Variants in TRMT44 observed in about 807,000 individuals in gnomAD.
TRMT44 encodes tRNA methyltransferase 44 homolog.
TRMT44 carries 78 observed loss-of-function variants against 77.3 expected under a neutral mutation model. The observed-to-expected ratio is 1.01, with a 90% CI of 0.84 to 1.22. TRMT44 has a LOEUF of 1.22. Among genes scored for constraint, TRMT44 ranks in the 50% most tolerant of loss-of-function variants. The pLI is 0.00. For synonymous variants in TRMT44, 391 were observed against 383.3 expected, an observed-to-expected ratio of 1.02 and a Z score of -0.23; for missense variants, 1,090 against 964.4, an observed-to-expected ratio of 1.13 and a Z score of -1.73.
chr4:8,481,640 TATATC>T (rs544309497), intron 2 of TRMT44, among the ~76,000 whole-genome samples: 29 of 152,242 alleles, frequency 1.9e-4, no homozygotes, highest in Non-Finnish European at 4.0e-4. Flanking sequence ...TTCTTTATAT[TATATC>T]AGCTTTTCTC....
chr4:8,472,342 G>C (rs1456481897), intron 10 of TRMT44, among the ~76,000 whole-genome samples: 1 of 152,206 alleles, frequency 6.6e-6, no homozygotes, highest in African/African-American at 2.4e-5. Flanking sequence ...GAGCTGGTCG[G>C]GTTACAGCCG....
At chr4:8,514,532 C>T in the TRMT44 span, among the ~76,000 whole-genome samples, 7 of 152,126 alleles carry the variant, frequency 4.6e-5, no homozygotes, top group Admixed American at 1.3e-4. Context: ...CCGCCTCAGC[C>T]TCCCTATGTG....
the TRMT44 span, among the ~76,000 whole-genome samples, chr4:8,515,616 C>T: frequency 6.6e-5 from 10 of 152,266 alleles, no homozygotes; most frequent in African/African-American, 1.9e-4. Flanking sequence ...GGGGATATGA[C>T]CCCTGGGATG....
the TRMT44 span, among the ~76,000 whole-genome samples, chr4:8,503,097 C>G: frequency 6.6e-6 from 1 of 152,226 alleles, no homozygotes; most frequent in African/African-American, 2.4e-5. Flanking sequence ...GGCTGCTTTC[C>G]CACTGGGTCT....
chr4:8,454,797 C>T lies in TRMT44; in HGVS notation c.1187C>T (p.Pro396Leu), dbSNP rs1340749003. Residue 396 changes from proline to leucine, a missense_variant, in exon 6 of 11, where the codon CCA becomes CTA. Transcript: ENST00000389737. ...AGAAAAATCTGGGACATGTATGGACCACAAACTCAGTTAGAGGTACCGTCT... is the reference window on the plus strand; with the variant it reads ...AGAAAAATCTGGGACATGTATGGACTACAAACTCAGTTAGAGGTACCGTCT... ...RRRKIWDMYG[P>L]QTQLEEDAIT... 6.2e-7 allele frequency: 1 copy of T among 1,614,030 alleles called. No individual in the cohort carries two copies. Among genetic ancestry groups the T allele is most frequent in the African/African-American group, 1.3e-5 (1 of 74,894 alleles).
At chr4:8,450,984 C>T (rs1725413225) in intron 3 of TRMT44, among the ~76,000 whole-genome samples, 1 of 148,952 alleles carries the variant, frequency 6.7e-6, no homozygotes, top group South Asian at 2.2e-4. Context: ...CAAAGTTTTG[C>T]CATGTTTCCC....
chr4:8,449,943 TC>T (rs369885914), intron 3 of TRMT44, 55 bp downstream of exon 3: 7 of 700,310 alleles, frequency 1.0e-5, no homozygotes, highest in South Asian at 5.7e-5. Flanking sequence ...TCTTTTCTTT[TC>T]TTTTCTTTTT....
chr4:8,497,240 A>G (rs1435131080), downstream of TRMT44, among the ~76,000 whole-genome samples: 2 of 152,134 alleles, frequency 1.3e-5, no homozygotes, highest in Non-Finnish European at 2.9e-5. Context: ...ATGTTTTACA[A>G]ATGTCTCTAT....
chr4:8,511,483 G>A, the TRMT44 span, among the ~76,000 whole-genome samples: 32 of 152,284 alleles, frequency 2.1e-4, no homozygotes, highest in African/African-American at 7.5e-4. Context: ...GATCTGAGAT[G>A]GGGAGGTTAT....
At chr4:8,467,421 C>T (rs756459299) in intron 8 of TRMT44, among the ~76,000 whole-genome samples, 1 of 152,108 alleles carries the variant, frequency 6.6e-6, no homozygotes, top group Non-Finnish European at 1.5e-5. Flanking sequence ...TGGGCTCTTA[C>T]TGTTTTTTTA....
At chr4:8,470,920 T>G in intron 9 of TRMT44, 164 bp from the exon 10 acceptor site, 1 of 552,858 alleles carries the variant, frequency 1.8e-6, no homozygotes. Flanking sequence ...CCCTCACGGT[T>G]TGGTGCGGTG....
chr4:8,463,021 GAGAC>G (rs1440185563), intron 6 of TRMT44, among the ~76,000 whole-genome samples: 9 of 152,232 alleles, frequency 5.9e-5, no homozygotes, highest in African/African-American at 1.4e-4. Flanking sequence ...GAACCAGAGA[GAGAC>G]AGAATTTCAG....
intron 10 of TRMT44, 41 bp from the exon 11 acceptor site, chr4:8,475,731 A>G (rs1299122194): frequency 2.5e-6 from 4 of 1,594,330 alleles, no homozygotes; most frequent in South Asian, 2.2e-5. Flanking sequence ...AGGAACTTTC[A>G]GGTTTACTTC....
At chr4:8,515,051 C>A in the TRMT44 span, among the ~76,000 whole-genome samples, 1 of 152,200 alleles carries the variant, frequency 6.6e-6, no homozygotes. Context: ...CTGTAACCTC[C>A]ACCTCCTGGG....
chr4:8,464,654 C>T (rs16842315), intron 7 of TRMT44, among the ~76,000 whole-genome samples: 3,926 of 152,300 alleles, frequency 0.026, 94 homozygotes, highest in African/African-American at 0.065. Flanking sequence ...ATCAGGTCTT[C>T]GCTCAGGCTT....
At chr4:8,480,640 C>T (rs764958301), downstream of TRMT44, among the ~76,000 whole-genome samples, 2 of 152,128 alleles carry the variant, frequency 1.3e-5, no homozygotes, top group Non-Finnish European at 2.9e-5. Context: ...TGGGAAATTG[C>T]CTCTCCCTGG....
chr4:8,472,647 C>T (rs1160955177), intron 10 of TRMT44, among the ~76,000 whole-genome samples: 4 of 152,190 alleles, frequency 2.6e-5, no homozygotes, highest in African/African-American at 7.2e-5. Flanking sequence ...GCTGAACTGG[C>T]CTCTCTAGGT....
chr4:8,476,506 T>G lies in TRMT44; in HGVS notation c.*505T>G, dbSNP rs1254223990. The G allele has an allele frequency of 6.3e-6, 1 of 159,874 alleles. No individual in the cohort carries two copies. The highest frequency in any genetic ancestry group is 1.4e-5 in the Non-Finnish European group (1 of 72,290). 9.9% of individuals were successfully genotyped at this position (159,874 alleles called of 1,614,324 possible). ...AAAAAAGGTGTCAGGCTTGCTATGT[T>G]GAGGTTGTTTTTAGAGTTACAGAGA... On this transcript the variant is annotated 3_prime_UTR_variant, in exon 11 of 11. Transcript: ENST00000389737.
intron 2 of TRMT44, among the ~76,000 whole-genome samples, chr4:8,492,429 A>C (rs1265568006): frequency 1.3e-5 from 2 of 152,204 alleles, no homozygotes; most frequent in South Asian, 2.1e-4. Context: ...AAGGACAACT[A>C]ACCTAACCGA....
Sources: allele counts gnomAD v4.1 joint callset (sites outside exome capture counted in the v4.1 genomes callset), GRCh38; gene constraint gnomAD v4.1.1; transcripts MANE v1.5; gene names NCBI Gene and HGNC (gene_info 2026-07-23, HGNC 2026-07-21).